Variants in PELI1 observed in about 807,000 individuals in gnomAD.
The protein encoded by PELI1 is pellino E3 ubiquitin protein ligase 1.
Under a neutral mutation model 41.3 loss-of-function variants are expected in PELI1, and 15 were observed. The observed-to-expected ratio is 0.36, with a 90% CI of 0.24 to 0.56. PELI1 has a LOEUF of 0.56. PELI1 is among the 20% of genes least tolerant of loss of function. The pLI is 0.82. For missense variants in PELI1, 403 were observed against 525.5 expected (o/e 0.77, Z 2.28); for synonymous variants, 178 against 180.1 (o/e 0.99, Z 0.09).
intron 1 of PELI1, among the ~76,000 whole-genome samples, chr2:64,113,298 A>C (rs925149705): frequency 8.3e-5 from 11 of 131,806 alleles, no homozygotes; most frequent in Non-Finnish European, 1.7e-4. Flanking sequence ...CTCAAAAAAA[A>C]AGAAAAAAAA....
At chr2:64,119,937 A>AT (rs1478049933) in intron 1 of PELI1, among the ~76,000 whole-genome samples, 5 of 152,214 alleles carry the variant, frequency 3.3e-5, no homozygotes, top group Admixed American at 6.5e-5. Flanking sequence ...ATATGTAAAG[A>AT]AAGAAGCCCC....
At position 64,095,251 on chromosome 2, in the gene PELI1, A is replaced by T. The variant is rs760701507; in HGVS notation, c.708T>A (p.Asn236Lys). The T allele has an allele frequency of 6.2e-7, 1 of 1,612,680 alleles. No individual in the cohort carries two copies. The highest frequency in any genetic ancestry group is 8.5e-7 in the Non-Finnish European group (1 of 1,178,858). ...CAATTAACGAGCCATCTTGTAACTG[A>T]TTGGTTTCAATTTCCACCTAGAGGA... The part of the protein sequence containing the change: ...QRGKMVEIET[N>K]QLQDGSLIDL... The change falls in exon 7 of 7, where the codon AAT becomes AAA. Residue 236 changes from asparagine to lysine, a missense_variant. By Grantham distance (94) the Asn-to-Lys change is moderately conservative (BLOSUM62 0). Transcript: ENST00000358912.
intron 3 of PELI1, among the ~76,000 whole-genome samples, chr2:64,103,467 G>A (rs934190718): frequency 8.5e-5 from 13 of 152,052 alleles, no homozygotes; most frequent in African/African-American, 2.9e-4. Context: ...TGAAAAAGTG[G>A]CATACCCAAA....
At chr2:64,122,639 TAG>T (rs1272033820) in intron 1 of PELI1, among the ~76,000 whole-genome samples, 3 of 152,174 alleles carry the variant, frequency 2.0e-5, no homozygotes, top group Non-Finnish European at 4.4e-5. Flanking sequence ...TGGTGACTCT[TAG>T]GTCACGTTCC....
chr2:64,122,702 C>A (rs1181093145), intron 1 of PELI1, among the ~76,000 whole-genome samples: 2 of 152,182 alleles, frequency 1.3e-5, no homozygotes. Flanking sequence ...TTCTACAGTA[C>A]ATTTGTATTG....
chr2:64,142,035 C>T (rs1268124321), intron 1 of PELI1, among the ~76,000 whole-genome samples: 1 of 152,150 alleles, frequency 6.6e-6, no homozygotes, highest in Non-Finnish European at 1.5e-5. Flanking sequence ...CTACAAATTC[C>T]ACTGAGGCAA....
intron 2 of PELI1, among the ~76,000 whole-genome samples, chr2:64,107,805 G>C (rs2103689365): frequency 6.6e-6 from 1 of 152,106 alleles, no homozygotes; most frequent in East Asian, 1.9e-4. Context: ...AATCTCCCAA[G>C]TAACTGGGAT....
intron 1 of PELI1, among the ~76,000 whole-genome samples, chr2:64,119,122 A>G (rs1681118578): frequency 6.6e-6 from 1 of 152,178 alleles, no homozygotes; most frequent in Non-Finnish European, 1.5e-5. Flanking sequence ...CTGATGAGAG[A>G]TGAGATTCAT....
In PELI1 at chr2:64,094,275, C is replaced by T. The variant is rs1205398543; in HGVS notation, c.*427G>A. On this transcript the variant is annotated 3_prime_UTR_variant, in exon 7 of 7. Coordinates refer to ENST00000358912, the MANE Select transcript of PELI1 (RefSeq NM_020651.4). ...TATCAAGAACATTCTAAGGTATTTT[C>T]TATAATAAAGATAAATAGAAAAAAG... 1 of 159,636 alleles carries T rather than the reference C, an allele frequency of 6.3e-6. No individual in the cohort carries two copies. Among genetic ancestry groups the T allele is most frequent in the African/African-American group, 2.4e-5 (1 of 41,442 alleles). 9.9% of individuals were successfully genotyped at this position (159,636 alleles called of 1,614,324 possible). A position where few individuals can be genotyped will look rare whatever the true frequency, so the allele number is the denominator to read the frequency against.
In PELI1 at chr2:64,092,719, A is replaced by C. The variant is rs540351488; in HGVS notation, c.*1983T>G. The C allele has an allele frequency of 6.6e-6, 1 of 152,230 alleles. No individual in the cohort carries two copies. The highest frequency in any genetic ancestry group is 1.5e-5 in the Non-Finnish European group (1 of 68,040). 9.4% of individuals were successfully genotyped at this position (152,230 alleles called of 1,614,324 possible). ...TTTTAAAAAAGAACCAGATACTTTA[A>C]AGTGTTACATTAAATGCAAACTCTT... is the stretch of plus-strand genomic sequence containing the variant. On this transcript the variant is annotated 3_prime_UTR_variant, in exon 7 of 7. Coordinates refer to ENST00000358912, the MANE Select transcript of PELI1 (RefSeq NM_020651.4).
Position 64,104,698 on chromosome 2 carries a change from T to TTTA in PELI1, c.201+2_201+3insTAA, listed in dbSNP as rs1680563346. The TTTA allele has an allele frequency of 6.5e-7, 1 of 1,535,912 alleles. No homozygotes were observed. Among genetic ancestry groups the TTTA allele is most frequent in the African/African-American group, 1.4e-5 (1 of 71,386 alleles). On this transcript the variant is annotated splice_region_variant and intron_variant, in intron 3 of 6. Coordinates refer to ENST00000358912, the MANE Select transcript of PELI1 (RefSeq NM_020651.4). The stretch of plus-strand genomic sequence containing the variant: ...TTATGTAGCTTTTTTTTTTTTTTTT[T>TTTA]ACCTTTGCAGCCTGAGGAGTACAAG...
intron 1 of PELI1, among the ~76,000 whole-genome samples, chr2:64,110,901 G>A (rs1680788094): frequency 6.7e-6 from 1 of 149,904 alleles, no homozygotes; most frequent in African/African-American, 2.5e-5. Flanking sequence ...ACTCCAGCCT[G>A]GGTGACAGAG....
rs368469095 is a variant in PELI1, at chr2:64,129,826, T to C, written c.-70+14255A>G. Among the ~76,000 whole-genome samples the C allele has an allele frequency of 3.3e-4, 51 of 152,306 alleles. 1 individual carries two copies. Among genetic ancestry groups the C allele is most frequent in the African/African-American group, 1.2e-3 (49 of 41,578 alleles). On this transcript the variant is annotated intron_variant, in intron 1 of 6. Transcript: ENST00000358912. ...GAATATAGTCTACAATTGCTTGTAT[T>C]GATGATCCACATAAAGTCACAGGAA...
intron 6 of PELI1, among the ~76,000 whole-genome samples, 153 bp from the exon 7 acceptor site, chr2:64,095,421 T>A (rs889459950): frequency 1.3e-5 from 2 of 152,254 alleles, no homozygotes; most frequent in African/African-American, 4.8e-5. Context: ...TGAAAAATGT[T>A]AAGTTTGAAA....
intron 1 of PELI1, among the ~76,000 whole-genome samples, chr2:64,118,264 A>G (rs1681069849): frequency 6.6e-6 from 1 of 152,194 alleles, no homozygotes; most frequent in Non-Finnish European, 1.5e-5. Flanking sequence ...TTAGCACATT[A>G]AAAATACCCC....
At chr2:64,126,560 T>C (rs1168803931) in intron 1 of PELI1, among the ~76,000 whole-genome samples, 4 of 152,194 alleles carry the variant, frequency 2.6e-5, no homozygotes, top group Non-Finnish European at 4.4e-5. Context: ...TCAGAAGTTA[T>C]GGGAGTATTC....
intron 3 of PELI1, among the ~76,000 whole-genome samples, chr2:64,102,851 TTTTTA>T (rs1197612116): frequency 7.4e-6 from 1 of 134,800 alleles, no homozygotes; most frequent in Non-Finnish European, 1.6e-5. Context: ...TTTTTTTTTT[TTTTTA>T]AACTGAGACA....
chr2:64,118,915 A>G (rs1470191354), intron 1 of PELI1, among the ~76,000 whole-genome samples: 1 of 152,174 alleles, frequency 6.6e-6, no homozygotes, highest in Non-Finnish European at 1.5e-5. Flanking sequence ...AAACAACAAC[A>G]TAATTCTCAA....
intron 1 of PELI1, among the ~76,000 whole-genome samples, chr2:64,121,991 T>G (rs1175904692): frequency 6.6e-6 from 1 of 151,622 alleles, no homozygotes; most frequent in Admixed American, 6.6e-5. Flanking sequence ...AGGGTTAGAA[T>G]AAAATTTCTA....
Sources: allele counts gnomAD v4.1 joint callset (sites outside exome capture counted in the v4.1 genomes callset), GRCh38; gene constraint gnomAD v4.1.1; transcripts MANE v1.5; gene names NCBI Gene and HGNC (gene_info 2026-07-23, HGNC 2026-07-21).